ARID4B: variants seen among roughly 807,000 people sequenced by gnomAD.
ARID4B encodes AT-rich interactive domain-containing protein 4B.
A neutral mutation model predicts 147.5 loss-of-function variants in ARID4B; 26 were observed. The ratio of observed to expected loss-of-function variants is 0.18; its 90% CI spans 0.13 to 0.24. The LOEUF is 0.24. ARID4B is among the 10% of genes least tolerant of loss of function. The pLI is 1.00. For missense variants in ARID4B, 1,179 were observed against 1,511.5 expected, an observed-to-expected ratio of 0.78 and a Z score of 3.65; for synonymous variants, 512 against 507.9, an observed-to-expected ratio of 1.01 and a Z score of -0.11.
chr1:235,186,974 G>A (rs561362649), intron 19 of ARID4B: 50 of 299,524 alleles, frequency 1.7e-4, no homozygotes, highest in African/African-American at 8.5e-4. Flanking sequence ...GGGATTACAG[G>A]CATGAGCCAC....
chr1:235,256,888 T>A (rs1051910528), intron 4 of ARID4B, among the ~76,000 whole-genome samples: 6 of 152,190 alleles, frequency 3.9e-5, no homozygotes, highest in Non-Finnish European at 7.3e-5. Context: ...TAATATTAAA[T>A]CTTTTTTTTA....
At chr1:235,312,714 C>T (rs1674150222) in intron 2 of ARID4B, among the ~76,000 whole-genome samples, 1 of 152,150 alleles carries the variant, frequency 6.6e-6, no homozygotes, top group Admixed American at 6.6e-5. Context: ...TGGCTCCCAC[C>T]TGTAATCCTA....
At chr1:235,307,571 A>C (rs1406355407) in intron 2 of ARID4B, among the ~76,000 whole-genome samples, 3 of 152,228 alleles carry the variant, frequency 2.0e-5, no homozygotes, top group Non-Finnish European at 4.4e-5. Flanking sequence ...AAAGAGAGAG[A>C]GAAAAAGAGA....
chr1:235,275,962 C>T (rs571786852), intron 2 of ARID4B, among the ~76,000 whole-genome samples: 27 of 152,076 alleles, frequency 1.8e-4, no homozygotes, highest in African/African-American at 6.3e-4. Flanking sequence ...CACGGCAAAA[C>T]CTCATCTCTA....
chr1:235,326,167 G>C (rs139731413), intron 2 of ARID4B, among the ~76,000 whole-genome samples: 36 of 151,482 alleles, frequency 2.4e-4, no homozygotes, highest in African/African-American at 8.2e-4. Context: ...AAAAAAGACA[G>C]CATTCATATA....
At chr1:235,285,278 G>C (rs1397295363) in intron 2 of ARID4B, among the ~76,000 whole-genome samples, 6 of 152,158 alleles carry the variant, frequency 3.9e-5, no homozygotes, top group Admixed American at 1.3e-4. Context: ...TCATGACCAA[G>C]TGCATTTATT....
At chr1:235,169,385 C>T (rs552070636) in intron 23 of ARID4B, among the ~76,000 whole-genome samples, 2 of 150,444 alleles carry the variant, frequency 1.3e-5, no homozygotes, top group Non-Finnish European at 3.0e-5. Flanking sequence ...GGACTATAAG[C>T]GCCCGCCACC....
intron 2 of ARID4B, among the ~76,000 whole-genome samples, chr1:235,275,956 G>A (rs563173693): frequency 1.3e-5 from 2 of 152,210 alleles, no homozygotes; most frequent in East Asian, 3.9e-4. Context: ...GGACAACACG[G>A]CAAAACCTCA....
intron 16 of ARID4B, among the ~76,000 whole-genome samples, chr1:235,219,229 T>C (rs565111102): frequency 2.2e-4 from 34 of 152,288 alleles, no homozygotes; most frequent in Non-Finnish European, 4.9e-4. Flanking sequence ...GATATGTTTA[T>C]GTTTTTTAAG....
chr1:235,306,499 T>A (rs1378216414), intron 2 of ARID4B, among the ~76,000 whole-genome samples: 2 of 131,962 alleles, frequency 1.5e-5, no homozygotes, highest in East Asian at 2.1e-4. Flanking sequence ...TGAGACTCCA[T>A]CTCAAAAAAA....
intron 19 of ARID4B, among the ~76,000 whole-genome samples, chr1:235,186,892 T>C (rs4660145): frequency 0.47 from 70,597 of 150,192 alleles, 16,802 homozygotes; most frequent in South Asian, 0.61. Context: ...GACACGGTTT[T>C]ACCATGTTGG....
chr1:235,251,487 T>A (rs1328437475), intron 6 of ARID4B, among the ~76,000 whole-genome samples: 1 of 152,062 alleles, frequency 6.6e-6, no homozygotes, highest in African/African-American at 2.4e-5. Flanking sequence ...AGAGAACCTG[T>A]CCAAATTCTA....
intron 8 of ARID4B, among the ~76,000 whole-genome samples, chr1:235,239,654 G>A (rs1195995500): frequency 1.3e-5 from 2 of 152,180 alleles, no homozygotes; most frequent in African/African-American, 2.4e-5. Context: ...TGTCTTAACA[G>A]TTTGAAATAC....
At position 235,219,793 on chromosome 1, in the gene ARID4B, C is replaced by A; in HGVS notation, c.1583G>T (p.Gly528Val). ...VEAEEEKAKS[G>V]DETNKEEDED... ...TCGTAACCAAAAACAATTTTCTTAC[C>A]CAGATTTTGCTTTTTCTTCCTCAGC... The change falls in exon 16 of 24, where the codon GGA (glycine) becomes GTA (valine). Residue 528 changes from glycine to valine, a missense_variant and splice_region_variant. Gly to Val is a moderately radical substitution (Grantham distance 109). Transcript: ENST00000264183. 1 of 1,592,030 alleles carries A rather than the reference C, an allele frequency of 6.3e-7. No individual in the cohort carries two copies. Among genetic ancestry groups the A allele is most frequent in the South Asian group, 1.2e-5 (1 of 85,722 alleles).
chr1:235,316,963 G>C (rs938808267), intron 2 of ARID4B, among the ~76,000 whole-genome samples: 8 of 152,178 alleles, frequency 5.3e-5, no homozygotes, highest in African/African-American at 1.9e-4. Flanking sequence ...TGGATTTTCA[G>C]ATTTGGGATG....
intron 2 of ARID4B, among the ~76,000 whole-genome samples, chr1:235,274,283 G>C (rs929968831): frequency 1.3e-5 from 2 of 152,006 alleles, no homozygotes; most frequent in African/African-American, 2.4e-5. Context: ...TTGAGGCAGA[G>C]AGAATCACTT....
At chr1:235,188,772 A>ATT (rs1163877561) in intron 19 of ARID4B, among the ~76,000 whole-genome samples, 1 of 152,168 alleles carries the variant, frequency 6.6e-6, no homozygotes, top group Non-Finnish European at 1.5e-5. Flanking sequence ...AAGACTTCAT[A>ATT]TTATGAATTC....
At chr1:235,299,216 G>T (rs564922424) in intron 2 of ARID4B, among the ~76,000 whole-genome samples, 133 of 152,186 alleles carry the variant, frequency 8.7e-4, no homozygotes, top group South Asian at 5.4e-3. Flanking sequence ...ACTGTGGTTT[G>T]GTTTTGTTTT....
chr1:235,209,496 C>CAA (rs2102997915), intron 17 of ARID4B, among the ~76,000 whole-genome samples: 1 of 151,156 alleles, frequency 6.6e-6, no homozygotes, highest in East Asian at 1.9e-4. Context: ...AACAAACAAA[C>CAA]AGCATTTTAG....
Sources: allele counts gnomAD v4.1 joint callset (sites outside exome capture counted in the v4.1 genomes callset), GRCh38; gene constraint gnomAD v4.1.1; transcripts MANE v1.5; gene names NCBI Gene and HGNC (gene_info 2026-07-23, HGNC 2026-07-21).